Variants in ACOXL observed in about 807,000 individuals in gnomAD.
The protein encoded by ACOXL is acyl-CoA oxidase like.
In ACOXL, 70 loss-of-function variants were observed where a neutral mutation model predicts 71.9. The observed-to-expected ratio is 0.97, with a 90% CI of 0.80 to 1.19. The LOEUF (loss-of-function observed/expected upper bound fraction) is 1.19, where lower values mean the gene tolerates loss of function less well. Among genes scored for constraint, ACOXL ranks in the 50% most tolerant of loss-of-function variants. The probability of loss-of-function intolerance (pLI) is 0.00; values close to 1 mark genes in which losing one functional copy is unlikely to be tolerated. For synonymous variants in ACOXL, 253 were observed against 281.6 expected, an observed-to-expected ratio of 0.90 and a Z score of 1.02; for missense variants, 703 against 736.3, an observed-to-expected ratio of 0.95 and a Z score of 0.52.
At chr2:110,872,481 C>A (rs1489566321) in intron 10 of ACOXL, among the ~76,000 whole-genome samples, 2 of 152,244 alleles carry the variant, frequency 1.3e-5, no homozygotes, top group African/African-American at 4.8e-5. Context: ...GTGTCCGTCT[C>A]CTGGGGGTCT....
At chr2:110,771,208 G>A (rs1486766033) in intron 2 of ACOXL, among the ~76,000 whole-genome samples, 1 of 152,074 alleles carries the variant, frequency 6.6e-6, no homozygotes, top group Non-Finnish European at 1.5e-5. Context: ...CTCGCTGGGC[G>A]GATGTCATGA....
rs750430483 is a variant in ACOXL, at chr2:110,798,672, C to T, written c.408C>T (p.Tyr136=). 4.3e-6 allele frequency: 7 copies of T among 1,613,974 alleles called. No individual in the cohort carries two copies. Among genetic ancestry groups the T allele is most frequent in the Admixed American group, 1.7e-5 (1 of 59,992 alleles). ...AGATGTATATTGGAAATGCCATGTA[C>T]GGGAATTATGCAGCTGTCTTTGCCC... ...AEKMYIGNAM[Y]GNYAAVFAQL... The change falls in exon 6 of 18, where the codon TAC becomes TAT. Residue 136 remains tyrosine (Y), a synonymous_variant. Coordinates refer to ENST00000439055, the MANE Select transcript of ACOXL (RefSeq NM_001142807.4).
intron 2 of ACOXL, among the ~76,000 whole-genome samples, chr2:110,771,670 G>T (rs574728859): frequency 6.6e-6 from 1 of 152,192 alleles, no homozygotes; most frequent in East Asian, 1.9e-4. Flanking sequence ...TGCAGAGTGT[G>T]CACGCACACA....
intron 16 of ACOXL, among the ~76,000 whole-genome samples, chr2:111,057,667 C>T (rs995041535): frequency 1.6e-4 from 24 of 152,184 alleles, no homozygotes; most frequent in Non-Finnish European, 3.4e-4. Flanking sequence ...ATTTACACTT[C>T]GCCTAGCTCC....
chr2:110,822,407 A>G (rs1243061036), intron 9 of ACOXL, among the ~76,000 whole-genome samples: 1 of 152,136 alleles, frequency 6.6e-6, no homozygotes, highest in Middle Eastern at 3.2e-3. Flanking sequence ...TTAATTATTC[A>G]GTTCCAGCCT....
intron 14 of ACOXL, among the ~76,000 whole-genome samples, chr2:111,012,668 A>T (rs2149675605): frequency 6.6e-6 from 1 of 152,320 alleles, no homozygotes; most frequent in African/African-American, 2.4e-5. Flanking sequence ...TCTTCCAAAT[A>T]TTTGGCTATT....
intron 13 of ACOXL, among the ~76,000 whole-genome samples, chr2:110,990,218 A>G (rs1233829377): frequency 6.6e-6 from 1 of 152,234 alleles, no homozygotes; most frequent in Non-Finnish European, 1.5e-5. Context: ...TTTCATCTTC[A>G]AAGTGTCCTT....
chr2:110,997,813 G>A (rs774632895), intron 14 of ACOXL, among the ~76,000 whole-genome samples: 11 of 152,292 alleles, frequency 7.2e-5, no homozygotes, highest in Non-Finnish European at 1.3e-4. Flanking sequence ...CCAGCACTTC[G>A]GGAGGCCAGG....
rs1173916554 is a variant in ACOXL at position 111,118,402 on chromosome 2, A to G, written c.*586A>G. Reference sequence around the variant, plus strand: ...GGAGCCTAGAGTTTTGCTCTCGGCAAAACAAGAACTCGGCTTGTCCTCCCA... The same window carrying G: ...GGAGCCTAGAGTTTTGCTCTCGGCAGAACAAGAACTCGGCTTGTCCTCCCA... On this transcript the variant is annotated 3_prime_UTR_variant, in exon 18 of 18. Coordinates refer to ENST00000439055, the MANE Select transcript of ACOXL (RefSeq NM_001142807.4). Among the ~76,000 whole-genome samples the G allele has an allele frequency of 1.3e-5, 2 of 152,332 alleles. No homozygotes were observed. The highest frequency in any genetic ancestry group is 1.3e-4 in the Admixed American group (2 of 15,302).
At chr2:110,947,640 A>C (rs1044874805) in intron 12 of ACOXL, among the ~76,000 whole-genome samples, 1 of 152,158 alleles carries the variant, frequency 6.6e-6, no homozygotes, top group African/African-American at 2.4e-5. Flanking sequence ...TCCAGGACCC[A>C]TTAGACATGG....
At chr2:110,996,497 G>T (rs545059841) in intron 14 of ACOXL, among the ~76,000 whole-genome samples, 16 of 152,274 alleles carry the variant, frequency 1.1e-4, no homozygotes, top group Non-Finnish European at 1.8e-4. Flanking sequence ...CAAGTACAGT[G>T]CCAGTGGGGT....
intron 1 of ACOXL, among the ~76,000 whole-genome samples, chr2:110,755,900 A>G (rs1433216436): frequency 6.6e-6 from 1 of 151,920 alleles, no homozygotes; most frequent in Non-Finnish European, 1.5e-5. Flanking sequence ...GTGTCCTTAA[A>G]GAAATTAAAA....
rs140536595 is a variant in ACOXL, at chr2:111,117,120, G to A, written c.1543-496G>A. Among the ~76,000 whole-genome samples, 864 of 152,326 alleles carry A rather than the reference G, an allele frequency of 5.7e-3. 3 individuals carry two copies. Among genetic ancestry groups the A allele is most frequent in the Middle Eastern group, 0.01 (3 of 294 alleles). On this transcript the variant is annotated intron_variant, in intron 17 of 17. Coordinates refer to ENST00000439055, the MANE Select transcript of ACOXL (RefSeq NM_001142807.4). ...GGTCAGGACCGAAGGCGCTAGTCTG[G>A]GGAGACTGGAGCAGGTCTCTAGTGG...
At chr2:110,839,934 G>C (rs543671578) in intron 9 of ACOXL, among the ~76,000 whole-genome samples, 1 of 152,090 alleles carries the variant, frequency 6.6e-6, no homozygotes, top group East Asian at 1.9e-4. Context: ...GTGCAACTTA[G>C]ACTTTGGCTA....
chr2:110,865,048 G>T (rs1284552485), intron 10 of ACOXL, among the ~76,000 whole-genome samples: 1 of 152,176 alleles, frequency 6.6e-6, no homozygotes, highest in East Asian at 1.9e-4. Context: ...GTATTTCTGT[G>T]TGGTGGATGA....
intron 1 of ACOXL, among the ~76,000 whole-genome samples, chr2:110,748,387 T>G (rs1302547581): frequency 6.6e-6 from 1 of 152,196 alleles, no homozygotes; most frequent in African/African-American, 2.4e-5. Flanking sequence ...TCAGGCTTTA[T>G]CTCTGGTGCA....
At chr2:111,113,500 G>A (rs530123773) in intron 17 of ACOXL, among the ~76,000 whole-genome samples, 1 of 152,366 alleles carries the variant, frequency 6.6e-6, no homozygotes, top group East Asian at 1.9e-4. Flanking sequence ...GTCAAAGACA[G>A]CTAAGTAGCT....
rs540941321 is a variant in ACOXL, at chr2:111,117,757, C to T, written c.1684C>T (p.Gln562Ter). The T allele has an allele frequency of 4.9e-5, 76 of 1,551,398 alleles. No homozygotes were observed. In the Admixed American group the frequency reaches 1.3e-3, roughly 27 times the overall value. ...GTGGGCTTTCTACCCTGCACCGCTG[C>T]AGCCGCGGCCACGGGAAGAGGCGCG... ...AAWAFYPAPLQPRPREEARSR... is the reference protein window; with the variant it reads ...AAWAFYPAPL Residue 562 changes from glutamine (Q) to a stop codon, truncating the protein, a stop_gained, in exon 18 of 18, where the codon CAG becomes TAG. Transcript: ENST00000439055. LOFTEE classifies it low-confidence loss of function (END_TRUNC).
intron 8 of ACOXL, among the ~76,000 whole-genome samples, chr2:110,803,386 A>G (rs1352556424): frequency 6.6e-6 from 1 of 152,236 alleles, no homozygotes; most frequent in African/African-American, 2.4e-5. Flanking sequence ...ATCAATTAAT[A>G]TTCCACTGCA....
Sources: gnomAD v4.1 joint callset for allele counts (sites outside exome capture counted in the v4.1 genomes callset) on GRCh38, gnomAD v4.1.1 for gene constraint, MANE v1.5 for transcripts, NCBI Gene and HGNC (gene_info 2026-07-23, HGNC 2026-07-21) for gene names.